The following PXDNL variants were observed in gnomAD, a reference collection of about 807,000 sequenced individuals.
PXDNL encodes probable oxidoreductase PXDNL.
PXDNL carries 145 observed loss-of-function variants against 150.8 expected under a neutral mutation model. The observed-to-expected ratio is 0.96, with a 90% CI of 0.84 to 1.10. The LOEUF is 1.10. PXDNL is among the 50% of genes least tolerant of loss of function. The pLI is 0.00. For missense variants in PXDNL, 2,087 were observed against 1,873.9 expected (o/e 1.11, Z -2.10); for synonymous variants, 757 against 725.7 (o/e 1.04, Z -0.69).
chr8:51,643,098 G>A (rs1238447127), intron 2 of PXDNL, among the ~76,000 whole-genome samples: 2 of 152,236 alleles, frequency 1.3e-5, no homozygotes, highest in East Asian at 1.9e-4. Context: ...AATCAATATT[G>A]TGAAAATGGC....
chr8:51,435,855 T>C (rs554993491), intron 12 of PXDNL: 112 of 459,868 alleles, frequency 2.4e-4, no homozygotes, highest in African/African-American at 2.1e-3. Flanking sequence ...CTTGAGAATG[T>C]TGATGCCTCA....
chr8:51,404,537 T>A (rs1465384846), intron 17 of PXDNL, among the ~76,000 whole-genome samples: 1 of 144,232 alleles, frequency 6.9e-6, no homozygotes, highest in Non-Finnish European at 1.5e-5. Context: ...GTGTTTACAA[T>A]CCCATAGCTA....
intron 14 of PXDNL, among the ~76,000 whole-genome samples, chr8:51,414,636 A>G (rs909726258): frequency 3.3e-5 from 5 of 152,088 alleles, no homozygotes; most frequent in African/African-American, 1.2e-4. Context: ...TAATTGAAAG[A>G]AAAAAAGACA....
intron 6 of PXDNL, among the ~76,000 whole-genome samples, chr8:51,478,143 A>T (rs1024361486): frequency 3.3e-5 from 5 of 152,184 alleles, no homozygotes; most frequent in African/African-American, 1.2e-4. Context: ...AGCCATGAAT[A>T]TTGAAAACCA....
At chr8:51,473,957 T>C (rs1311118835) in intron 7 of PXDNL, among the ~76,000 whole-genome samples, 2 of 152,150 alleles carry the variant, frequency 1.3e-5, no homozygotes, top group Admixed American at 1.3e-4. Context: ...AGCTGGGATA[T>C]CAGTTAAGAT....
At chr8:51,696,271 A>G (rs1360922941) in intron 1 of PXDNL, among the ~76,000 whole-genome samples, 1 of 152,236 alleles carries the variant, frequency 6.6e-6, no homozygotes, top group African/African-American at 2.4e-5. Context: ...AATCGAAGTC[A>G]TAATGGTGGA....
chr8:51,776,719 T>A (rs2037357861), intron 1 of PXDNL, among the ~76,000 whole-genome samples: 1 of 152,076 alleles, frequency 6.6e-6, no homozygotes, highest in Non-Finnish European at 1.5e-5. Flanking sequence ...TCTTAAGTCA[T>A]TTTCCATCCA....
chr8:51,657,843 T>C (rs1358413347), intron 1 of PXDNL, among the ~76,000 whole-genome samples: 1 of 152,218 alleles, frequency 6.6e-6, no homozygotes, highest in Non-Finnish European at 1.5e-5. Flanking sequence ...GTATCTATTA[T>C]CAGAATTCCC....
chr8:51,655,253 A>C (rs1815126480), intron 1 of PXDNL, among the ~76,000 whole-genome samples: 2 of 152,218 alleles, frequency 1.3e-5, no homozygotes, highest in Non-Finnish European at 2.9e-5. Flanking sequence ...AAATCAACAG[A>C]ACAATTAGTT....
chr8:51,651,106 A>G (rs1231397400), intron 2 of PXDNL, among the ~76,000 whole-genome samples: 2 of 152,244 alleles, frequency 1.3e-5, no homozygotes, highest in Non-Finnish European at 2.9e-5. Context: ...AAATAAATAG[A>G]ACATATAATT....
In PXDNL at chr8:51,639,379, C is replaced by CA. The variant is rs1304033477; in HGVS notation, c.236+15309dup. Reference sequence around the variant, plus strand: ...AGCAGAACTGAAGGAGATACAGACACAAAAAACCCTTCAAAAACATCAACG... The same window carrying CA: ...AGCAGAACTGAAGGAGATACAGACACAAAAAAACCCTTCAAAAACATCAACG... On this transcript the variant is annotated intron_variant, in intron 2 of 22. Transcript: ENST00000356297. Among the ~76,000 whole-genome samples, 7 of 152,112 alleles carry CA rather than the reference C, an allele frequency of 4.6e-5. No individual in the cohort carries two copies. In the South Asian group the frequency reaches 6.2e-4, roughly 14 times the overall value.
intron 14 of PXDNL, among the ~76,000 whole-genome samples, chr8:51,423,357 T>C (rs1229429477): frequency 2.0e-5 from 3 of 152,218 alleles, no homozygotes; most frequent in Non-Finnish European, 2.9e-5. Context: ...ATTTATGTTC[T>C]TTTTTTAATT....
intron 2 of PXDNL, among the ~76,000 whole-genome samples, chr8:51,632,988 C>T (rs771725699): frequency 1.3e-5 from 2 of 151,970 alleles, no homozygotes; most frequent in Admixed American, 6.6e-5. Context: ...ATAAATGATC[C>T]TGTCATACAG....
chr8:51,389,651 C>A (rs1807830218), intron 17 of PXDNL, among the ~76,000 whole-genome samples: 1 of 152,178 alleles, frequency 6.6e-6, no homozygotes, highest in Non-Finnish European at 1.5e-5. Flanking sequence ...TTCTCCCTGG[C>A]TTTTAAGTTT....
chr8:51,614,013 A>G (rs1035684327), intron 2 of PXDNL, among the ~76,000 whole-genome samples: 3 of 152,198 alleles, frequency 2.0e-5, no homozygotes, highest in East Asian at 1.9e-4. Context: ...TGCTTGTCGC[A>G]TTAGCCTCCC....
chr8:51,472,382 G>A (rs914897044), intron 7 of PXDNL, 78 bp from the exon 8 acceptor site: 1 of 1,050,036 alleles, frequency 9.5e-7, no homozygotes, highest in Non-Finnish European at 1.4e-6. Flanking sequence ...AAGAGATATA[G>A]GCAATTTAAA....
intron 11 of PXDNL, among the ~76,000 whole-genome samples, chr8:51,447,589 A>C (rs1268826268): frequency 6.6e-6 from 1 of 152,234 alleles, no homozygotes; most frequent in Non-Finnish European, 1.5e-5. Flanking sequence ...CAGAGGCAGC[A>C]TATCGAAAAT....
At chr8:51,578,078 AAG>A (rs1285628769) in intron 3 of PXDNL, among the ~76,000 whole-genome samples, 2 of 143,340 alleles carry the variant, frequency 1.4e-5, no homozygotes, top group Admixed American at 6.8e-5. Context: ...AAAGAAAAGA[AAG>A]AAAAAGAGAA....
chr8:51,402,780 G>A (rs1442302760), intron 17 of PXDNL, among the ~76,000 whole-genome samples: 1 of 152,084 alleles, frequency 6.6e-6, no homozygotes, highest in Non-Finnish European at 1.5e-5. Context: ...GAAACAGAGT[G>A]GCCAGGCGTG....
Sources: gnomAD v4.1 joint callset for allele counts (sites outside exome capture counted in the v4.1 genomes callset) on GRCh38, gnomAD v4.1.1 for gene constraint, MANE v1.5 for transcripts, NCBI Gene and HGNC (gene_info 2026-07-23, HGNC 2026-07-21) for gene names.